The following ATAD2 variants were observed in gnomAD, a reference collection of about 807,000 sequenced individuals.
ATAD2 encodes the protein ATPase family AAA domain containing 2.
Under a neutral mutation model 168.9 loss-of-function variants are expected in ATAD2, and 62 were observed. The ratio of observed to expected loss-of-function variants is 0.37; its 90% CI spans 0.30 to 0.45. The LOEUF is 0.45. ATAD2 is among the 20% of genes least tolerant of loss of function. The pLI, the probability that ATAD2 is intolerant of heterozygous loss-of-function variation, is 1.00. For synonymous variants in ATAD2, 613 were observed against 571.6 expected (o/e 1.07, Z -1.03); for missense variants, 1,419 against 1,667.8 (o/e 0.85, Z 2.60).
At position 123,383,367 on chromosome 8, in the gene ATAD2, T is replaced by TA. The variant is rs60996107; in HGVS notation, c.172-2691dup. On this transcript the variant is annotated intron_variant, in intron 1 of 27. Transcript: ENST00000287394. ...AATTTTAAAAGTAAACAAAATTAAA[T>TA]AAAAAAAAAAAGTTCTATCTCTCAC... Among the ~76,000 whole-genome samples the TA allele has an allele frequency of 4.8e-3, 697 of 145,058 alleles. 4 individuals carry two copies. Among genetic ancestry groups the TA allele is most frequent in the African/African-American group, 0.016 (630 of 39,750 alleles).
intron 1 of ATAD2, among the ~76,000 whole-genome samples, chr8:123,415,038 G>A (rs1483844894): frequency 1.3e-5 from 2 of 152,132 alleles, no homozygotes; most frequent in Non-Finnish European, 2.9e-5. Flanking sequence ...CTGTTTTGAT[G>A]TGTTTCCAGG....
intron 2 of ATAD2, among the ~76,000 whole-genome samples, chr8:123,380,154 C>T (rs1479195946): frequency 5.3e-5 from 8 of 151,154 alleles, no homozygotes; most frequent in Non-Finnish European, 8.9e-5. Flanking sequence ...TGGGTTCACG[C>T]CATTCTCCTG....
chr8:123,406,937 A>C (rs1813076292), intron 1 of ATAD2, among the ~76,000 whole-genome samples: 1 of 152,178 alleles, frequency 6.6e-6, no homozygotes, highest in African/African-American at 2.4e-5. Flanking sequence ...ATTTGGAAAT[A>C]GGATCTTTGC....
At chr8:123,327,464 T>A (rs1827644282) in intron 25 of ATAD2, among the ~76,000 whole-genome samples, 1 of 151,954 alleles carries the variant, frequency 6.6e-6, no homozygotes, top group Non-Finnish European at 1.5e-5. Context: ...TTAGAGCTCA[T>A]GTCAAAGAAG....
At chr8:123,408,447 T>C (rs192660763) in intron 1 of ATAD2, among the ~76,000 whole-genome samples, 16 of 152,342 alleles carry the variant, frequency 1.1e-4, no homozygotes, top group Non-Finnish European at 1.8e-4. Flanking sequence ...CAGAGATTAT[T>C]CATGGTGGCA....
intron 16 of ATAD2, 120 bp from the exon 17 acceptor site, chr8:123,346,870 G>A (rs1828260924): frequency 8.3e-7 from 1 of 1,202,928 alleles, no homozygotes; most frequent in Non-Finnish European, 1.2e-6. Flanking sequence ...AAATATTTGT[G>A]TAGATATGAA....
chr8:123,380,577 T>G lies in ATAD2; in HGVS notation c.272A>C (p.Lys91Thr). The G allele has an allele frequency of 6.2e-7, 1 of 1,614,120 alleles. No homozygotes were observed. The highest frequency in any genetic ancestry group is 8.5e-7 in the Non-Finnish European group (1 of 1,179,984). Residue 91 changes from lysine (K) to threonine (T), a missense_variant, in exon 2 of 28, where the codon AAG (lysine) becomes ACG (threonine). Physicochemically the swap from Lys to Thr is moderately conservative, Grantham distance 78 (BLOSUM62 -1). Coordinates refer to ENST00000287394, the MANE Select transcript of ATAD2 (RefSeq NM_014109.4). Reference protein sequence around the residue: ...AQNSSDSSFEKNVEITEQLAN... With the variant: ...AQNSSDSSFETNVEITEQLAN... ...AAGTTGCTCCGTTATTTCCACATTC[T>G]TCTCAAAACTAGAATCTGAAGAATT...
At position 123,371,063 on chromosome 8, in the gene ATAD2, T is replaced by C. The variant is rs529968554; in HGVS notation, c.640-73A>G. The C allele has an allele frequency of 7.6e-4, 952 of 1,253,006 alleles. 2 individuals are homozygous for C. Among genetic ancestry groups the C allele is most frequent in the Non-Finnish European group, 1.0e-3 (924 of 916,930 alleles). 77.6% of individuals were successfully genotyped at this position (1,253,006 alleles called of 1,614,324 possible). On this transcript the variant is annotated intron_variant, in intron 5 of 27. Coordinates refer to ENST00000287394, the MANE Select transcript of ATAD2 (RefSeq NM_014109.4). The stretch of plus-strand genomic sequence containing the variant: ...AAAAAAATTAAGTTGGATCCTCCAA[T>C]CTTGTTTAAAATTAAGATATTTACA...
At chr8:123,324,170 A>G (rs141718899) in intron 26 of ATAD2, among the ~76,000 whole-genome samples, 1 of 152,282 alleles carries the variant, frequency 6.6e-6, no homozygotes, top group African/African-American at 2.4e-5. Flanking sequence ...TACTCCAGGA[A>G]TATTGCTGCT....
Position 123,334,338 on chromosome 8 carries a change from A to G in ATAD2, c.3212-16T>C. On this transcript the variant is annotated splice_polypyrimidine_tract_variant and intron_variant, in intron 22 of 27. Coordinates refer to ENST00000287394, the MANE Select transcript of ATAD2 (RefSeq NM_014109.4). ...ATAAGACGATCTATGAAGTGAGTAA[A>G]AAATGTAATTTTTAATTTCCCCCTT... The G allele has an allele frequency of 6.7e-7, 1 of 1,483,888 alleles. No homozygotes were observed. The highest frequency in any genetic ancestry group is 8.9e-7 in the Non-Finnish European group (1 of 1,119,586). 91.9% of individuals were successfully genotyped at this position (1,483,888 alleles called of 1,614,324 possible).
intron 14 of ATAD2, among the ~76,000 whole-genome samples, chr8:123,349,082 A>C (rs1828361790): frequency 6.6e-6 from 1 of 152,244 alleles, no homozygotes; most frequent in Non-Finnish European, 1.5e-5. Context: ...ACTCAAATTG[A>C]AATAATTTTA....
chr8:123,400,772 TCTC>T (rs890469960), upstream of ATAD2: 8 of 819,812 alleles, frequency 9.8e-6, no homozygotes, highest in African/African-American at 1.2e-4. The surrounding 1 kb of genome is among the most constrained non-coding windows in gnomAD (Gnocchi z 4.5). Flanking sequence ...ACGCCGCTGA[TCTC>T]CTCCTCCATG....
intron 26 of ATAD2, 150 bp from the exon 27 acceptor site, chr8:123,323,216 G>C: frequency 1.4e-6 from 1 of 736,024 alleles, no homozygotes; most frequent in Non-Finnish European, 2.1e-6. Flanking sequence ...CAGTGGCTCT[G>C]ACATTTAAAT....
At chr8:123,337,556 C>G in intron 21 of ATAD2, 69 bp downstream of exon 21, 3 of 1,414,440 alleles carry the variant, frequency 2.1e-6, no homozygotes, top group Non-Finnish European at 2.9e-6. Flanking sequence ...CACATAAACT[C>G]TTCAAATATC....
rs1163308605 is a variant in ATAD2, at chr8:123,349,420, A to G, written c.1671T>C (p.Ala557=). 8.1e-6 allele frequency: 13 copies of G among 1,613,824 alleles called. No homozygotes were observed. The highest frequency in any genetic ancestry group is 9.3e-6 in the Non-Finnish European group (11 of 1,179,952). Residue 557 remains alanine (A), a synonymous_variant, in exon 14 of 28, where the codon GCT becomes GCC. Coordinates refer to ENST00000287394, the MANE Select transcript of ATAD2 (RefSeq NM_014109.4). The part of the protein sequence containing the change: ...IHSSIVSTLL[A]LMDGLDSRGE... ...CTCTGCTGTCCAATCCATCCATAAG[A>G]GCTAGCAGGGTGGAAACAATAGAAC...
chr8:123,376,541 A>T (rs1829322452), intron 2 of ATAD2, among the ~76,000 whole-genome samples: 1 of 152,078 alleles, frequency 6.6e-6, no homozygotes, highest in Admixed American at 6.6e-5. Flanking sequence ...TCAACAGAGC[A>T]AGACTCCATC....
At chr8:123,372,383 G>A (rs937216181) in intron 3 of ATAD2, among the ~76,000 whole-genome samples, 1 of 152,190 alleles carries the variant, frequency 6.6e-6, no homozygotes, top group Admixed American at 6.5e-5. Flanking sequence ...AACTGGTGGG[G>A]AGTAGTGTCA....
chr8:123,403,392 G>A (rs937960679), intron 1 of ATAD2, among the ~76,000 whole-genome samples: 12 of 151,272 alleles, frequency 7.9e-5, no homozygotes, highest in Admixed American at 1.3e-4. Flanking sequence ...GAGCCACTGC[G>A]CCCAGCCAGG....
At chr8:123,401,783 C>T (rs565789668) in intron 1 of ATAD2, 24 of 749,822 alleles carry the variant, frequency 3.2e-5, no homozygotes, top group Admixed American at 1.2e-4. Flanking sequence ...AGATGGGGTG[C>T]GGCTCAAGAA....
Sources: allele counts gnomAD v4.1 joint callset (sites outside exome capture counted in the v4.1 genomes callset), GRCh38; gene constraint gnomAD v4.1.1; non-coding constraint Gnocchi (gnomAD v3.1); transcripts MANE v1.5; gene names NCBI Gene and HGNC (gene_info 2026-07-23, HGNC 2026-07-21).